SIRT4: variants seen among roughly 807,000 people sequenced by gnomAD.
The protein encoded by SIRT4 is NAD-dependent protein lipoamidase sirtuin-4, mitochondrial.
SIRT4 carries 23 observed loss-of-function variants against 26.1 expected under a neutral mutation model. That is an observed-to-expected ratio of 0.88 (90% CI 0.63 to 1.25). The LOEUF (loss-of-function observed/expected upper bound fraction) is 1.25. Ranked by LOEUF, SIRT4 falls within the 50% of genes most tolerant of loss-of-function variation. The pLI is 0.00. For synonymous variants in SIRT4, 155 were observed against 158.4 expected, an observed-to-expected ratio of 0.98 and a Z score of 0.16; for missense variants, 361 against 405.4, an observed-to-expected ratio of 0.89 and a Z score of 0.94.
At chr12:120,293,100 C>CCGTAGA in the SIRT4 span, 5 of 152,230 alleles carry the variant, frequency 3.3e-5, no homozygotes, top group East Asian at 9.6e-4. Flanking sequence ...AATTCAGTCT[C>CCGTAGA]CGTAGAGACT....
intron 1 of SIRT4, among the ~76,000 whole-genome samples, chr12:120,302,761 C>T (rs543369728): frequency 6.6e-6 from 1 of 150,632 alleles, no homozygotes; most frequent in East Asian, 1.9e-4. Context: ...GCTTCTTCGC[C>T]CAGGCTGGAG....
chr12:120,292,420 G>A, the SIRT4 span, among the ~76,000 whole-genome samples: 1 of 152,110 alleles, frequency 6.6e-6, no homozygotes, highest in Non-Finnish European at 1.5e-5. Context: ...GGACAAGATG[G>A]TGAAACGGGG....
At position 120,303,814 on chromosome 12, in the gene SIRT4, A is replaced by G. The variant is rs766884688; in HGVS notation, c.253A>G (p.Thr85Ala). The G allele has an allele frequency of 6.2e-7, 1 of 1,614,166 alleles. No homozygotes were observed. Among genetic ancestry groups the G allele is most frequent in the Non-Finnish European group, 8.5e-7 (1 of 1,180,016 alleles). ...AGAAAAAGTGGGGCTTTATGCCCGC[A>G]CTGACCGCAGGCCCATCCAGCATGG... ...RSEKVGLYARTDRRPIQHGDF... is the reference protein window; with the variant it reads ...RSEKVGLYARADRRPIQHGDF... The change falls in exon 2 of 4, where the codon ACT (threonine) becomes GCT (alanine). Residue 85 changes from threonine to alanine, a missense_variant. By Grantham distance (58) the Thr-to-Ala change is moderately conservative. Coordinates refer to ENST00000202967, the MANE Select transcript of SIRT4 (RefSeq NM_012240.3).
Position 120,312,509 on chromosome 12 carries a change from G to GT in SIRT4, c.554dup (p.Gln186ProfsTer10). The GT allele has an allele frequency of 6.2e-7, 1 of 1,614,078 alleles. No individual in the cohort carries two copies. Among genetic ancestry groups the GT allele is most frequent in the East Asian group, 2.2e-5 (1 of 44,872 alleles). On this transcript the variant is annotated frameshift_variant, in exon 3 of 4. Coordinates refer to ENST00000202967, the MANE Select transcript of SIRT4 (RefSeq NM_012240.3). LOFTEE classifies it high-confidence loss of function. Reference sequence around the variant, plus strand: ...ACTCCCCGGGGGGTGCTGCAAGAGCGTTTCCAAGTCCTGAACCCCACCTGG... The same window carrying GT: ...ACTCCCCGGGGGGTGCTGCAAGAGCGTTTTCCAAGTCCTGAACCCCACCTGG...
chr12:120,309,593 G>T (rs941965187), intron 2 of SIRT4, among the ~76,000 whole-genome samples: 1 of 149,644 alleles, frequency 6.7e-6, no homozygotes, highest in Non-Finnish European at 1.5e-5. Flanking sequence ...TGTATTTTTG[G>T]TAGAGACTGG....
At chr12:120,302,903 A>C (rs1432896460) in intron 1 of SIRT4, among the ~76,000 whole-genome samples, 5 of 150,722 alleles carry the variant, frequency 3.3e-5, no homozygotes, top group African/African-American at 1.2e-4. Context: ...TTGTATTTTT[A>C]GTAGAGTCGG....
the SIRT4 span, among the ~76,000 whole-genome samples, chr12:120,294,668 C>T: frequency 6.6e-6 from 1 of 151,924 alleles, no homozygotes; most frequent in South Asian, 2.1e-4. Context: ...GATCCTCCTC[C>T]CACTTCAGCT....
chr12:120,307,357 C>T (rs372276763), intron 2 of SIRT4, among the ~76,000 whole-genome samples: 2 of 151,788 alleles, frequency 1.3e-5, no homozygotes, highest in Admixed American at 6.6e-5. Context: ...GGCGTGGTGG[C>T]GGGCGCCTAT....
At chr12:120,301,346 AAAAC>A (rs1185790914), upstream of SIRT4, among the ~76,000 whole-genome samples, 7 of 127,868 alleles carry the variant, frequency 5.5e-5, no homozygotes, top group Admixed American at 2.6e-4. Flanking sequence ...CTCCGTCTCA[AAAAC>A]AAACAAACAA....
chr12:120,294,502 C>A, the SIRT4 span, among the ~76,000 whole-genome samples: 1 of 152,080 alleles, frequency 6.6e-6, no homozygotes, highest in Non-Finnish European at 1.5e-5. Context: ...GGTGATCCAC[C>A]CGCCTTGGTT....
At chr12:120,299,563 A>C (rs1872471814), upstream of SIRT4, among the ~76,000 whole-genome samples, 3 of 152,008 alleles carry the variant, frequency 2.0e-5, no homozygotes, top group Admixed American at 2.0e-4. Flanking sequence ...AAAAAAAAAA[A>C]AAAATTAAAG....
rs565558341 is a variant in SIRT4, at chr12:120,303,733, C to T, written c.172C>T (p.Leu58Phe). ...QRFITLSKRL[L>F]VMTGAGISTE... ...CTTCATCACCCTTTCCAAGAGACTC[C>T]TTGTGATGACTGGGGCAGGAATCTC... is the stretch of plus-strand genomic sequence containing the variant. The change falls in exon 2 of 4, where the codon CTT becomes TTT. Residue 58 changes from leucine (L) to phenylalanine (F), a missense_variant. Transcript: ENST00000202967. 1 of 1,614,142 alleles carries T rather than the reference C, an allele frequency of 6.2e-7. No homozygotes were observed. The highest frequency in any genetic ancestry group is 1.3e-5 in the African/African-American group (1 of 75,038).
At chr12:120,304,833 ATATTTTTTTTTT>A (rs1393729813) in intron 2 of SIRT4, among the ~76,000 whole-genome samples, 37 of 8,226 alleles carry the variant, frequency 4.5e-3, no homozygotes, top group South Asian at 0.036. Flanking sequence ...ATATATATAT[ATATTTTTTTTTT>A]TTTTTTTTTT....
At chr12:120,307,467 C>T (rs1196913838) in intron 2 of SIRT4, among the ~76,000 whole-genome samples, 1 of 151,868 alleles carries the variant, frequency 6.6e-6, no homozygotes, top group African/African-American at 2.4e-5. Flanking sequence ...CCAGCCTGGG[C>T]GACAGAGGGA....
At chr12:120,296,248 C>G in the SIRT4 span, among the ~76,000 whole-genome samples, 1 of 151,200 alleles carries the variant, frequency 6.6e-6, no homozygotes, top group Non-Finnish European at 1.5e-5. Context: ...GACGGAGTCT[C>G]GCTCTGTCGC....
chr12:120,293,227 T>TA, the SIRT4 span: 1 of 152,222 alleles, frequency 6.6e-6, no homozygotes, highest in Admixed American at 6.5e-5. Context: ...ATACTGCCAC[T>TA]GCGCAAAGCT....
chr12:120,304,803 T>TATA (rs1872674843), intron 2 of SIRT4, among the ~76,000 whole-genome samples: 1 of 60,406 alleles, frequency 1.7e-5, no homozygotes, highest in Non-Finnish European at 3.1e-5. Context: ...AAAGTAAATT[T>TATA]TATATATATA....
the SIRT4 span, among the ~76,000 whole-genome samples, chr12:120,295,334 C>T: frequency 6.7e-6 from 1 of 149,212 alleles, no homozygotes; most frequent in Non-Finnish European, 1.5e-5. Flanking sequence ...CCTGCCTCAG[C>T]CTCCCAAGTA....
At chr12:120,305,242 CGTGTGTGT>C (rs34827089) in intron 2 of SIRT4, among the ~76,000 whole-genome samples, 6 of 147,786 alleles carry the variant, frequency 4.1e-5, no homozygotes, top group East Asian at 2.0e-4. Flanking sequence ...TGTGTGTGCA[CGTGTGTGT>C]GTGTGTGTGT....
Sources: gnomAD v4.1 joint callset for allele counts (sites outside exome capture counted in the v4.1 genomes callset) on GRCh38, gnomAD v4.1.1 for gene constraint, MANE v1.5 for transcripts, NCBI Gene and HGNC (gene_info 2026-07-23, HGNC 2026-07-21) for gene names.